USP42: variants seen among roughly 807,000 people sequenced by gnomAD.
The protein encoded by USP42 is ubiquitin carboxyl-terminal hydrolase 42.
A neutral mutation model predicts 113.0 loss-of-function variants in USP42; 23 were observed. The ratio of observed to expected loss-of-function variants is 0.20; its 90% CI spans 0.15 to 0.29. The LOEUF (loss-of-function observed/expected upper bound fraction) is 0.29. Among genes scored for constraint, USP42 ranks in the 10% least tolerant of loss-of-function variants. The pLI is 1.00. For synonymous variants in USP42, 933 were observed against 699.0 expected (o/e 1.33, Z -5.28); for missense variants, 2,174 against 1,779.8 (o/e 1.22, Z -3.99).
chr7:6,095,005 C>T, the USP42 span, among the ~76,000 whole-genome samples: 1 of 151,284 alleles, frequency 6.6e-6, no homozygotes, highest in Non-Finnish European at 1.5e-5. Context: ...CCAGGCTGGT[C>T]TTGAACTCCT....
At chr7:6,093,183 C>T in the USP42 span, 7 of 138,888 alleles carry the variant, frequency 5.0e-5, no homozygotes. Flanking sequence ...CCCTCCCTCT[C>T]TCCCTTCCTT....
intron 3 of USP42, among the ~76,000 whole-genome samples, chr7:6,132,963 G>A (rs1000646446): frequency 3.3e-5 from 5 of 152,142 alleles, no homozygotes; most frequent in African/African-American, 7.2e-5. Context: ...GAGCCACTGC[G>A]CCCGGCCCAG....
chr7:6,104,640 A>G (rs892218297), upstream of USP42, among the ~76,000 whole-genome samples: 4 of 152,138 alleles, frequency 2.6e-5, no homozygotes, highest in African/African-American at 9.6e-5. Flanking sequence ...AGGGAAGCAC[A>G]GGGCGGAAGG....
In USP42 at chr7:6,156,783, C is replaced by T. The variant is rs112258601; in HGVS notation, c.3671C>T (p.Ala1224Val). The change falls in exon 16 of 18, where the codon GCG becomes GTG. Residue 1224 changes from alanine to valine, a missense_variant. Physicochemically the swap from Ala to Val is moderately conservative, Grantham distance 64 (BLOSUM62 0). Transcript: ENST00000306177. Reference sequence around the variant, plus strand: ...CAGCAGGACTCAGACCTCTCAGCAGCGTGCTCTGACGCTGACCTCCACAGA... The same window carrying T: ...CAGCAGGACTCAGACCTCTCAGCAGTGTGCTCTGACGCTGACCTCCACAGA... Reference protein sequence around the residue: ...RHQQDSDLSAACSDADLHRHK... With the variant: ...RHQQDSDLSAVCSDADLHRHK... 574 of 1,579,768 alleles carry T rather than the reference C, an allele frequency of 3.6e-4. 1 individual carries two copies. In the African/African-American group the frequency reaches 7.0e-3, roughly 19 times the overall value.
intron 3 of USP42, chr7:6,116,372 A>G (rs117950169): frequency 0.013 from 2,218 of 165,190 alleles, 33 homozygotes; most frequent in Middle Eastern, 0.053. Flanking sequence ...GATGGAAGCC[A>G]ACTCAGTGGT....
At chr7:6,081,424 G>T in the USP42 span, among the ~76,000 whole-genome samples, 1 of 152,108 alleles carries the variant, frequency 6.6e-6, no homozygotes, top group Non-Finnish European at 1.5e-5. Flanking sequence ...TCCACTTTGC[G>T]CTCGCGGGCC....
intron 2 of USP42, among the ~76,000 whole-genome samples, chr7:6,112,371 C>A (rs1779643088): frequency 6.6e-6 from 1 of 152,004 alleles, no homozygotes; most frequent in Non-Finnish European, 1.5e-5. Context: ...ATCGCATGAA[C>A]CTGGGAGGCA....
upstream of USP42, among the ~76,000 whole-genome samples, chr7:6,103,776 G>A (rs1790219818): frequency 1.3e-5 from 2 of 149,360 alleles, no homozygotes; most frequent in Admixed American, 1.3e-4. Context: ...AAAATTAGTC[G>A]GGTGCAGCGG....
chr7:6,102,241 A>G (rs942964525), upstream of USP42, among the ~76,000 whole-genome samples: 2 of 146,510 alleles, frequency 1.4e-5, no homozygotes, highest in Non-Finnish European at 3.0e-5. Flanking sequence ...TCAGCCTCCC[A>G]GTAGCTGGGA....
At chr7:6,109,246 GAAAA>G (rs557967440) in intron 1 of USP42, among the ~76,000 whole-genome samples, 2 of 150,412 alleles carry the variant, frequency 1.3e-5, no homozygotes, top group African/African-American at 4.9e-5. Context: ...AGGGACAAAA[GAAAA>G]AAAAACAAGA....
chr7:6,143,934 C>T, intron 8 of USP42, 151 bp from the exon 9 acceptor site: 1 of 478,024 alleles, frequency 2.1e-6, no homozygotes, highest in Non-Finnish European at 3.6e-6. Flanking sequence ...TTAATATTTT[C>T]ACTGTTGGTT....
chr7:6,102,492 T>G (rs1293973575), upstream of USP42, among the ~76,000 whole-genome samples: 1 of 148,326 alleles, frequency 6.7e-6, no homozygotes, highest in Non-Finnish European at 1.5e-5. Context: ...GTTGGTGTGG[T>G]GGCTCATGCC....
At chr7:6,153,008 C>T in intron 14 of USP42, 1 of 971,444 alleles carries the variant, frequency 1.0e-6, no homozygotes, top group Non-Finnish European at 1.2e-6. Flanking sequence ...CGGTGGCTCA[C>T]GCCTGTAATC....
chr7:6,154,693 GAGA>G lies in USP42; in HGVS notation c.3142_3144del (p.Lys1048del). ...CGAGGGCGAGCGTGGCTGGGGCCGG[GAGA>G]AGTTCTACCCCGACAGGCCGCGCTG... On this transcript the variant is annotated inframe_deletion, in exon 15 of 18. Coordinates refer to ENST00000306177, the MANE Select transcript of USP42 (RefSeq NM_032172.3). 1.2e-6 allele frequency: 2 copies of G among 1,603,504 alleles called. No individual in the cohort carries two copies. Among genetic ancestry groups the G allele is most frequent in the Non-Finnish European group, 1.7e-6 (2 of 1,176,014 alleles).
At chr7:6,085,621 TA>T in the USP42 span, among the ~76,000 whole-genome samples, 282 of 126,806 alleles carry the variant, frequency 2.2e-3, 11 homozygotes, top group African/African-American at 6.8e-3. Flanking sequence ...TATATATATA[TA>T]TATTTTTTTT....
At chr7:6,084,101 A>G in the USP42 span, among the ~76,000 whole-genome samples, 10 of 151,270 alleles carry the variant, frequency 6.6e-5, 1 homozygote, top group African/African-American at 2.2e-4. Context: ...ATCTCGGCTC[A>G]CTGCAACCTC....
Position 6,159,592 on chromosome 7 carries a change from C to A in USP42, c.*36+99C>A. On this transcript the variant is annotated intron_variant, in intron 17 of 17. Transcript: ENST00000306177. This position sits in a 1 kb window ranked among gnomAD's most constrained non-coding sequence, Gnocchi z 4.1. The stretch of plus-strand genomic sequence containing the variant: ...TCTGCGGCTCTGCCTGGGGGCTGGG[C>A]TCATAGGAGTTGGCAGAGCCATGGA... The A allele has an allele frequency of 7.8e-7, 1 of 1,282,590 alleles. No homozygotes were observed. Among genetic ancestry groups the A allele is most frequent in the Non-Finnish European group, 1.1e-6 (1 of 909,428 alleles). 79.5% of individuals were successfully genotyped at this position (1,282,590 alleles called of 1,614,324 possible).
At chr7:6,142,013 T>C (rs1332617694) in intron 7 of USP42, among the ~76,000 whole-genome samples, 2 of 152,172 alleles carry the variant, frequency 1.3e-5, no homozygotes, top group Non-Finnish European at 2.9e-5. Context: ...TGTGGTGCAG[T>C]GAATGGATAG....
intron 2 of USP42, among the ~76,000 whole-genome samples, chr7:6,113,228 G>A (rs1410305240): frequency 6.6e-6 from 1 of 152,048 alleles, no homozygotes; most frequent in East Asian, 1.9e-4. Flanking sequence ...GTGGGGGTGG[G>A]TGTTGCAGTT....
Sources: allele counts gnomAD v4.1 joint callset (sites outside exome capture counted in the v4.1 genomes callset), GRCh38; gene constraint gnomAD v4.1.1; non-coding constraint Gnocchi (gnomAD v3.1); transcripts MANE v1.5; gene names NCBI Gene and HGNC (gene_info 2026-07-23, HGNC 2026-07-21).